OR2A14: variants seen among roughly 807,000 people sequenced by gnomAD.
OR2A14 encodes olfactory receptor family 2 subfamily A member 14.
In OR2A14, 2 loss-of-function variants were observed where a neutral mutation model predicts 2.4. The observed-to-expected ratio is 0.85, with a 90% confidence interval of 0.35 to 2.67. OR2A14 has a LOEUF of 2.67. Among genes scored for constraint, OR2A14 ranks in the 30% most tolerant of loss-of-function variants. The probability of loss-of-function intolerance (pLI) is 0.10; values close to 1 mark genes in which losing one functional copy is unlikely to be tolerated. For synonymous variants in OR2A14, 160 were observed against 156.3 expected (o/e 1.02, Z -0.18); for missense variants, 390 against 379.4 (o/e 1.03, Z -0.23).
chr7:144,124,398 G>A (rs1340394840), intron 1 of OR2A14, among the ~76,000 whole-genome samples: 1 of 144,944 alleles, frequency 6.9e-6, no homozygotes, highest in African/African-American at 2.6e-5. Flanking sequence ...GGAGGCGGAG[G>A]TTGCGGTGAG....
intron 1 of OR2A14, among the ~76,000 whole-genome samples, chr7:144,126,447 A>G (rs1204140971): frequency 6.6e-6 from 1 of 152,046 alleles, no homozygotes; most frequent in Non-Finnish European, 1.5e-5. Flanking sequence ...TTACTGTTCC[A>G]TTACTGTTCT....
In OR2A14 at chr7:144,129,675, G is replaced by C; in HGVS notation, c.563G>C (p.Cys188Ser). 1 of 1,614,072 alleles carries C rather than the reference G, an allele frequency of 6.2e-7. No individual in the cohort carries two copies. Among genetic ancestry groups the C allele is most frequent in the Non-Finnish European group, 8.5e-7 (1 of 1,180,006 alleles). Reference sequence around the variant, plus strand: ...ATCCTGTCTGTCCTCAAGTTGGCCTGTGCTGACACCTGGCTCAACCAGGTG... The same window carrying C: ...ATCCTGTCTGTCCTCAAGTTGGCCTCTGCTGACACCTGGCTCAACCAGGTG... ...CEILSVLKLA[C>S]ADTWLNQVVI... The change falls in exon 2 of 2, where the codon TGT becomes TCT. Residue 188 changes from cysteine (C) to serine (S), a missense_variant. Cys to Ser is a moderately radical substitution (Grantham distance 112). Coordinates refer to ENST00000641068, the MANE Select transcript of OR2A14 (RefSeq NM_001001659.3).
chr7:144,123,758 T>A (rs901962351), intron 1 of OR2A14, among the ~76,000 whole-genome samples: 2 of 152,172 alleles, frequency 1.3e-5, no homozygotes, highest in Non-Finnish European at 2.9e-5. Flanking sequence ...TCAGAAGCGT[T>A]GTGTCACCAG....
chr7:144,129,890 G>GC lies in OR2A14; in HGVS notation c.783dup (p.Lys262GlnfsTer6). ...TGGCAGCGCCATTGTCACGTACATG[G>GC]CCCCCAAGTCCCGCCATCCTGAGGA... On this transcript the variant is annotated frameshift_variant, in exon 2 of 2. Coordinates refer to ENST00000641068, the MANE Select transcript of OR2A14 (RefSeq NM_001001659.3). LOFTEE classifies it high-confidence loss of function. The GC allele has an allele frequency of 6.2e-7, 1 of 1,614,158 alleles. No homozygotes were observed. The highest frequency in any genetic ancestry group is 1.1e-5 in the South Asian group (1 of 91,080).
intron 1 of OR2A14, among the ~76,000 whole-genome samples, 199 bp from the exon 2 acceptor site, chr7:144,128,880 G>A (rs770048707): frequency 3.3e-5 from 5 of 152,114 alleles, no homozygotes; most frequent in Non-Finnish European, 7.3e-5. Context: ...TTATATACAT[G>A]TACACATACA....
At chr7:144,124,202 C>T (rs976045520) in intron 1 of OR2A14, among the ~76,000 whole-genome samples, 4 of 152,090 alleles carry the variant, frequency 2.6e-5, no homozygotes, top group Non-Finnish European at 5.9e-5. Flanking sequence ...GTGGCTCACG[C>T]CTGTAATCCC....
chr7:144,125,775 G>A (rs538598992), intron 1 of OR2A14, among the ~76,000 whole-genome samples: 1 of 152,008 alleles, frequency 6.6e-6, no homozygotes, highest in Non-Finnish European at 1.5e-5. Context: ...GGCTGCTGGG[G>A]TTTTTTTCCC....
rs1276144897 is a variant in OR2A14, at chr7:144,129,432, C to T, written c.320C>T (p.Ala107Val). 1 of 1,614,046 alleles carries T rather than the reference C, an allele frequency of 6.2e-7. No individual in the cohort carries two copies. Among genetic ancestry groups the T allele is most frequent in the African/African-American group, 1.3e-5 (1 of 74,920 alleles). The change falls in exon 2 of 2, where the codon GCT becomes GTT. Residue 107 changes from alanine to valine, a missense_variant. By Grantham distance (64) the Ala-to-Val change is moderately conservative. Coordinates refer to ENST00000641068, the MANE Select transcript of OR2A14 (RefSeq NM_001001659.3). ...IMQTFLYLAF[A>V]HVECLILVVM... ...CAGACATTCTTGTATTTGGCTTTTGCTCACGTAGAGTGTCTGATTTTGGTG... is the reference window on the plus strand; with the variant it reads ...CAGACATTCTTGTATTTGGCTTTTGTTCACGTAGAGTGTCTGATTTTGGTG...
chr7:144,126,000 A>T (rs1169899685), intron 1 of OR2A14, among the ~76,000 whole-genome samples: 1 of 152,194 alleles, frequency 6.6e-6, no homozygotes, highest in Non-Finnish European at 1.5e-5. Flanking sequence ...AGGAGGGACT[A>T]AAAATATGCA....
intron 1 of OR2A14, among the ~76,000 whole-genome samples, chr7:144,123,539 C>T (rs2051460378): frequency 6.6e-6 from 1 of 152,216 alleles, no homozygotes; most frequent in Admixed American, 6.5e-5. Flanking sequence ...TTTGTCATCA[C>T]TGTGCCATAG....
intron 1 of OR2A14, among the ~76,000 whole-genome samples, chr7:144,128,102 A>G (rs1463983801): frequency 6.6e-6 from 1 of 152,220 alleles, no homozygotes; most frequent in Non-Finnish European, 1.5e-5. Flanking sequence ...CAGTTGCCAT[A>G]GCTGGGAATA....
intron 1 of OR2A14, among the ~76,000 whole-genome samples, chr7:144,125,823 A>G (rs1376829477): frequency 6.6e-6 from 1 of 152,248 alleles, no homozygotes; most frequent in African/African-American, 2.4e-5. Flanking sequence ...AAATAAAACT[A>G]TAAACCCAGA....
intron 1 of OR2A14, among the ~76,000 whole-genome samples, chr7:144,128,307 A>G (rs2051497584): frequency 6.6e-6 from 1 of 152,218 alleles, no homozygotes; most frequent in Non-Finnish European, 1.5e-5. Flanking sequence ...AAATGTCACC[A>G]TGCTTAGTTA....
Position 144,129,969 on chromosome 7 carries a change from C to A in OR2A14, c.857C>A (p.Pro286His). 2 of 1,614,142 alleles carry A rather than the reference C, an allele frequency of 1.2e-6. No homozygotes were observed. Among genetic ancestry groups the A allele is most frequent in the East Asian group, 2.2e-5 (1 of 44,880 alleles). ...FYSLFNPMLNPLIYSLRNAEV... is the reference protein window; with the variant it reads ...FYSLFNPMLNHLIYSLRNAEV... ...AGCCTTTTCAATCCAATGCTGAACC[C>A]CCTGATATATAGCCTAAGGAATGCA... is the stretch of plus-strand genomic sequence containing the variant. The change falls in exon 2 of 2, where the codon CCC becomes CAC. Residue 286 changes from proline (P) to histidine (H), a missense_variant. Coordinates refer to ENST00000641068, the MANE Select transcript of OR2A14 (RefSeq NM_001001659.3).
In OR2A14 at chr7:144,130,195, A is replaced by T; in HGVS notation, c.*150A>T. 1 of 586,440 alleles carries T rather than the reference A, an allele frequency of 1.7e-6. No homozygotes were observed. The highest frequency in any genetic ancestry group is 2.9e-6 in the Non-Finnish European group (1 of 347,026). 36.3% of individuals were successfully genotyped at this position (586,440 alleles called of 1,614,324 possible). A position where few individuals can be genotyped will look rare whatever the true frequency, so the allele number is the denominator to read the frequency against. On this transcript the variant is annotated 3_prime_UTR_variant, in exon 2 of 2. Transcript: ENST00000641068. ...TATAAACTGAAGACACAAATCTTTT[A>T]GAAAAGATAGGTAAATGCATTTATA...
At chr7:144,124,698 AAATT>A (rs953273152) in intron 1 of OR2A14, among the ~76,000 whole-genome samples, 26 of 152,250 alleles carry the variant, frequency 1.7e-4, no homozygotes, top group African/African-American at 6.3e-4. Context: ...TCTTTCCAAA[AAATT>A]AATCCTCTCT....
At position 144,126,408 on chromosome 7, in the gene OR2A14, C is replaced by T. The variant is rs59841579; in HGVS notation, c.-34-2671C>T. Among the ~76,000 whole-genome samples the T allele has an allele frequency of 3.1e-3, 466 of 152,192 alleles. 4 individuals carry two copies. Among genetic ancestry groups the T allele is most frequent in the African/African-American group, 0.011 (451 of 41,534 alleles). On this transcript the variant is annotated intron_variant, in intron 1 of 1. Transcript: ENST00000641068. ...CTTTCTTTCTCTTCCCAGAACTCAC[C>T]AAGTGCATCTTGTTCAGAGACTTTG... is the stretch of plus-strand genomic sequence containing the variant.
rs991694224 is a variant in OR2A14, at chr7:144,129,088, T to C, written c.-25T>C. The C allele has an allele frequency of 6.9e-6, 11 of 1,586,760 alleles. No homozygotes were observed. The Admixed American group carries it at 1.7e-4, about 24-fold the overall frequency. On this transcript the variant is annotated 5_prime_UTR_variant, in exon 2 of 2. Transcript: ENST00000641068. The stretch of plus-strand genomic sequence containing the variant: ...TTTGACTGGCCCACAGCTCTGACCT[T>C]CCTGTCCTAGATGTCCACAAGAGCA...
In OR2A14 at chr7:144,129,802, G is replaced by C; in HGVS notation, c.690G>C (p.Gly230=). 1.9e-6 allele frequency: 3 copies of C among 1,614,006 alleles called. No individual in the cohort carries two copies. The highest frequency in any genetic ancestry group is 2.5e-6 in the Non-Finnish European group (3 of 1,179,994). The change falls in exon 2 of 2, where the codon GGG becomes GGC. Residue 230 remains glycine, a synonymous_variant. Transcript: ENST00000641068. ...CCGCCATCTTGAGGATCCAGTCTGG[G>C]GAGGGCCGCAGAAAGGCCTTCTCCA... ...ILAAILRIQS[G]EGRRKAFSTC...
Sources: allele counts gnomAD v4.1 joint callset (sites outside exome capture counted in the v4.1 genomes callset), GRCh38; gene constraint gnomAD v4.1.1; transcripts MANE v1.5; gene names NCBI Gene and HGNC (gene_info 2026-07-23, HGNC 2026-07-21).